Variants in EWSR1 observed in about 807,000 individuals in gnomAD.
The protein encoded by EWSR1 is EWS RNA binding protein 1, also known as RNA-binding protein EWS.
Under a neutral mutation model 92.1 loss-of-function variants are expected in EWSR1, and 14 were observed. The ratio of observed to expected loss-of-function variants is 0.15; its 90% CI spans 0.10 to 0.24. The LOEUF is 0.24. EWSR1 is among the 10% of genes least tolerant of loss of function. The probability of loss-of-function intolerance (pLI) is 1.00; values close to 1 mark genes in which losing one functional copy is unlikely to be tolerated. For missense variants in EWSR1, 637 were observed against 870.9 expected (o/e 0.73, Z 3.38); for synonymous variants, 303 against 292.9 (o/e 1.03, Z -0.35).
intron 4 of EWSR1, chr22:29,276,331 T>C (rs746614310): frequency 1.3e-4 from 29 of 228,992 alleles, no homozygotes; most frequent in Admixed American, 6.2e-4. Flanking sequence ...CTTTTATTGC[T>C]TGGGGCTTCC....
intron 2 of EWSR1, 41 bp from the exon 3 acceptor site, chr22:29,272,339 A>T: frequency 6.2e-7 from 1 of 1,612,792 alleles, no homozygotes; most frequent in Non-Finnish European, 8.5e-7. Flanking sequence ...GTGGTATTTG[A>T]ATGTTCTCTA....
intron 1 of EWSR1, 36 bp downstream of exon 1, chr22:29,268,385 G>C: frequency 6.2e-7 from 1 of 1,613,856 alleles, no homozygotes; most frequent in Non-Finnish European, 8.5e-7. Context: ...GCCGGCGGTA[G>C]CCGGAACGCC....
intron 13 of EWSR1, 126 bp from the exon 14 acceptor site, chr22:29,298,607 C>G: frequency 8.3e-7 from 1 of 1,198,052 alleles, no homozygotes; most frequent in Non-Finnish European, 1.2e-6. Flanking sequence ...CACACGGAAA[C>G]ACGGGACAGG....
intron 5 of EWSR1, among the ~76,000 whole-genome samples, chr22:29,281,109 G>C (rs2059565790): frequency 6.6e-6 from 1 of 151,912 alleles, no homozygotes; most frequent in Non-Finnish European, 1.5e-5. Context: ...TCGATCTCCT[G>C]ACCTCGTGAT....
intron 9 of EWSR1, 142 bp from the exon 10 acceptor site, chr22:29,291,995 C>G (rs2060475079): frequency 1.3e-6 from 1 of 760,982 alleles, no homozygotes; most frequent in Admixed American, 2.1e-5. Flanking sequence ...AGACACTGCT[C>G]CATTTTAGCA....
At chr22:29,279,661 T>A (rs936838833) in intron 5 of EWSR1, among the ~76,000 whole-genome samples, 2 of 152,260 alleles carry the variant, frequency 1.3e-5, no homozygotes, top group African/African-American at 2.4e-5. Flanking sequence ...AACCTAGATA[T>A]ATCTGCTCTA....
chr22:29,297,156 T>G (rs2060925260), intron 12 of EWSR1, among the ~76,000 whole-genome samples: 1 of 152,216 alleles, frequency 6.6e-6, no homozygotes, highest in Non-Finnish European at 1.5e-5. Context: ...TTTGCTTGTG[T>G]TGTTTTTTTT....
At chr22:29,294,978 G>GGT (rs1342739429) in intron 11 of EWSR1, among the ~76,000 whole-genome samples, 1 of 151,856 alleles carries the variant, frequency 6.6e-6, no homozygotes, top group Non-Finnish European at 1.5e-5. Flanking sequence ...CCTGCTTGTA[G>GGT]GTGTGTGTGT....
intron 6 of EWSR1, among the ~76,000 whole-genome samples, chr22:29,285,618 AACT>A (rs1602387568): frequency 6.6e-6 from 1 of 151,302 alleles, no homozygotes; most frequent in Non-Finnish European, 1.5e-5. Flanking sequence ...TTTGAGGGAA[AACT>A]ACTATTTTTG....
At chr22:29,297,983 G>T in intron 13 of EWSR1, 34 bp downstream of exon 13, 1 of 1,596,708 alleles carries the variant, frequency 6.3e-7, no homozygotes, top group Non-Finnish European at 8.5e-7. Flanking sequence ...TGCATTAAAA[G>T]GTTTTCAGTA....
chr22:29,299,930 C>T (rs2061210923), intron 16 of EWSR1, 79 bp downstream of exon 16: 5 of 1,540,390 alleles, frequency 3.2e-6, no homozygotes, highest in South Asian at 1.2e-5. Context: ...TGGCGCAAGT[C>T]CTCATGTCTC....
chr22:29,297,434 A>G (rs2060952046), intron 12 of EWSR1, among the ~76,000 whole-genome samples: 1 of 152,172 alleles, frequency 6.6e-6, no homozygotes, highest in African/African-American at 2.4e-5. Context: ...GCTCTTGCCT[A>G]TAATCCTACC....
intron 1 of EWSR1, 128 bp downstream of exon 1, chr22:29,268,477 G>A (rs2058314942): frequency 7.2e-6 from 11 of 1,534,822 alleles, no homozygotes; most frequent in Non-Finnish European, 3.6e-6. Flanking sequence ...ACCCGCCGCG[G>A]CCCGACGAGC....
chr22:29,297,760 A>G, intron 12 of EWSR1, 67 bp from the exon 13 acceptor site: 1 of 1,590,980 alleles, frequency 6.3e-7, no homozygotes, highest in Non-Finnish European at 8.6e-7. Context: ...TGGTCATTTG[A>G]TGATGATGTG....
chr22:29,287,009 A>G lies in EWSR1; in HGVS notation c.668A>G (p.Gln223Arg). Residue 223 changes from glutamine (Q) to arginine (R), a missense_variant, in exon 7 of 17, where the codon CAG (glutamine) becomes CGG (arginine). Gln to Arg is a conservative substitution (Grantham distance 43, BLOSUM62 1). This residue lies in a region of EWSR1 where 116 missense variants were observed against 167.8 expected (regional missense o/e 0.69). Transcript: ENST00000397938. ...GGGCAACCGAGCAGCTATGGACAGC[A>G]GAGTAGCTATGGTCAACAAAGCAGC... ...TYGQPSSYGQQSSYGQQSSYG... is the reference protein window; with the variant it reads ...TYGQPSSYGQRSSYGQQSSYG... The G allele has an allele frequency of 6.2e-7, 1 of 1,613,932 alleles. No individual in the cohort carries two copies. The highest frequency in any genetic ancestry group is 1.7e-4 in the Middle Eastern group (1 of 6,056).
chr22:29,283,064 G>T (rs112376212), intron 6 of EWSR1, among the ~76,000 whole-genome samples: 5 of 152,212 alleles, frequency 3.3e-5, no homozygotes, highest in African/African-American at 1.2e-4. Context: ...ACCCGGCCCA[G>T]CTAATAACTA....
At position 29,292,391 on chromosome 22, in the gene EWSR1, G is replaced by GCTAA. The variant is rs1602487396; in HGVS notation, c.1046-97_1046-96insCTAA. 5 of 984,964 alleles carry GCTAA rather than the reference G, an allele frequency of 5.1e-6. No individual in the cohort carries two copies. In the East Asian group the frequency reaches 1.2e-4, roughly 24 times the overall value. 61.0% of individuals were successfully genotyped at this position (984,964 alleles called of 1,614,324 possible). A position where few individuals can be genotyped will look rare whatever the true frequency, so the allele number is the denominator to read the frequency against. ...CTTAGTATGCTTGGTAGTTTTCTTA[G>GCTAA]ATTTATGATGAATATCCTTGGGCAG... is the stretch of plus-strand genomic sequence containing the variant. On this transcript the variant is annotated intron_variant, in intron 10 of 16. Coordinates refer to ENST00000397938, the MANE Select transcript of EWSR1 (RefSeq NM_005243.4).
Position 29,268,298 on chromosome 22 carries a change from GGAGACGGACGTT to G in EWSR1, c.-34_-23del. 6.2e-7 allele frequency: 1 copy of G among 1,610,432 alleles called. No homozygotes were observed. The highest frequency in any genetic ancestry group is 8.5e-7 in the Non-Finnish European group (1 of 1,176,712). On this transcript the variant is annotated 5_prime_UTR_variant, in exon 1 of 17. Transcript: ENST00000397938. ...GCGGCGCCTAGAGGGAAAGCGAGAG[GGAGACGGACGTT>G]GAGAGAACGAGGAGGAAGGAGAGAA... is the stretch of plus-strand genomic sequence containing the variant.
chr22:29,270,846 G>A (rs950090912), intron 1 of EWSR1, among the ~76,000 whole-genome samples: 1 of 152,196 alleles, frequency 6.6e-6, no homozygotes, highest in African/African-American at 2.4e-5. Context: ...ATGACTTGTA[G>A]TGCTATTGAA....
Sources: gnomAD v4.1 joint callset for allele counts (sites outside exome capture counted in the v4.1 genomes callset) on GRCh38, gnomAD v4.1.1 for gene constraint, gnomAD v4.1.1 regional missense constraint, MANE v1.5 for transcripts, NCBI Gene and HGNC (gene_info 2026-07-23, HGNC 2026-07-21) for gene names.